Variants in MAK observed in about 807,000 individuals in gnomAD.
The protein encoded by MAK is serine/threonine-protein kinase MAK.
A neutral mutation model predicts 82.6 loss-of-function variants in MAK; 65 were observed. The observed-to-expected ratio is 0.79, with a 90% confidence interval of 0.64 to 0.97. The LOEUF (loss-of-function observed/expected upper bound fraction) is 0.97. Ranked by LOEUF, MAK falls within the 50% of genes least tolerant of loss-of-function variation. The pLI is 0.00. For missense variants in MAK, 703 were observed against 780.2 expected, an observed-to-expected ratio of 0.90 and a Z score of 1.18; for synonymous variants, 250 against 274.2, an observed-to-expected ratio of 0.91 and a Z score of 0.87.
intron 6 of MAK, 106 bp downstream of exon 6, chr6:10,808,704 T>C (rs1490244605): frequency 9.2e-7 from 1 of 1,091,184 alleles, no homozygotes; most frequent in African/African-American, 1.5e-5. Context: ...TTCAATTCTG[T>C]GTTTTAAATA....
intron 11 of MAK, among the ~76,000 whole-genome samples, chr6:10,782,577 AT>A (rs70991043): frequency 0.2 from 22,788 of 116,460 alleles, 1,499 homozygotes; most frequent in East Asian, 0.3. Context: ...TCCCAACTGG[AT>A]TTTTTTTTTT....
At chr6:10,786,293 T>C (rs1774529704) in intron 10 of MAK, among the ~76,000 whole-genome samples, 1 of 152,158 alleles carries the variant, frequency 6.6e-6, no homozygotes, top group South Asian at 2.1e-4. Context: ...ATAAAAGGTA[T>C]ACATGTTAGT....
intron 8 of MAK, among the ~76,000 whole-genome samples, chr6:10,799,474 C>T (rs1317313554): frequency 6.6e-6 from 1 of 152,010 alleles, no homozygotes; most frequent in Non-Finnish European, 1.5e-5. Flanking sequence ...AAAATATGGG[C>T]CAGGTGTGGT....
rs1772082956 is a variant in MAK, at chr6:10,762,881, C to T, written c.*1571G>A. On this transcript the variant is annotated 3_prime_UTR_variant, in exon 15 of 15. Transcript: ENST00000354489. ...GATTTTAACATTTTTCAACATCTTA[C>T]ATCTGAACAGTTGACTCTTCTATAC... 6.6e-6 allele frequency: 1 copy of T among 152,554 alleles called. No individual in the cohort carries two copies. The highest frequency in any genetic ancestry group is 1.5e-5 in the Non-Finnish European group (1 of 68,018). 9.5% of individuals were successfully genotyped at this position (152,554 alleles called of 1,614,324 possible).
intron 13 of MAK, among the ~76,000 whole-genome samples, chr6:10,772,259 G>A (rs1773079704): frequency 6.6e-6 from 1 of 151,988 alleles, no homozygotes; most frequent in Admixed American, 6.6e-5. Flanking sequence ...ATTGCAGCCA[G>A]TTGTTAGCAC....
chr6:10,776,783 C>A lies in MAK; in HGVS notation c.1466-1324G>T, dbSNP rs984164883. ...CTTCCCTAATAAAACACCTACAAAT[C>A]GAACTATTATAGGCAACTACCAGCT... On this transcript the variant is annotated intron_variant, in intron 11 of 14. Transcript: ENST00000354489. This position sits in a 1 kb window ranked among gnomAD's most constrained non-coding sequence, Gnocchi z 4.3. Among the ~76,000 whole-genome samples the A allele has an allele frequency of 1.1e-4, 17 of 152,124 alleles. No individual in the cohort carries two copies. Among genetic ancestry groups the A allele is most frequent in the African/African-American group, 3.9e-4 (16 of 41,410 alleles).
intron 5 of MAK, 101 bp from the exon 6 acceptor site, chr6:10,809,043 A>C: frequency 9.4e-7 from 1 of 1,063,028 alleles, no homozygotes; most frequent in Non-Finnish European, 1.4e-6. Context: ...CCTCTTTTAT[A>C]ATTCAAAACA....
At chr6:10,827,456 G>A (rs756897651) in intron 2 of MAK, among the ~76,000 whole-genome samples, 1 of 152,098 alleles carries the variant, frequency 6.6e-6, no homozygotes, top group Non-Finnish European at 1.5e-5. Flanking sequence ...CATTTCTTAG[G>A]TTTCTGTCTT....
chr6:10,770,214 A>AT lies in MAK; in HGVS notation c.1688dup (p.Tyr563Ter). Reference protein sequence around the residue: ...LEDPQGNLGSYATYNQSGYIP... With the variant: ...LEDPQGNLGS ...TATATCCTGACTGATTGTAAGTAGC[A>AT]TAACTTCCAAGATTTCCTAGTGACA... The change falls in exon 14 of 15, where the codon TAT (tyrosine) becomes TAAT (stop). Residue 563 changes from tyrosine (Y) to a stop codon, truncating the protein, a stop_gained and frameshift_variant. Transcript: ENST00000354489. LOFTEE classifies it high-confidence loss of function. 2 of 1,614,094 alleles carry AT rather than the reference A, an allele frequency of 1.2e-6. No individual in the cohort carries two copies. The highest frequency in any genetic ancestry group is 1.7e-6 in the Non-Finnish European group (2 of 1,179,992).
At chr6:10,807,889 G>A (rs1776616274) in intron 6 of MAK, among the ~76,000 whole-genome samples, 1 of 151,914 alleles carries the variant, frequency 6.6e-6, no homozygotes, top group East Asian at 2.0e-4. Context: ...CTAACACGGT[G>A]AAACCACGTC....
Position 10,775,419 on chromosome 6 carries a change from C to T in MAK, c.1506G>A (p.Lys502=). ...PKKVSLIASG[K]EINPHTWSNQ... The stretch of plus-strand genomic sequence containing the variant: ...TGCTCCAAGTGTGGGGGTTTATTTC[C>T]TTTCCACTGGCTATCAAGGACACCT... The change falls in exon 12 of 15, where the codon AAG becomes AAA. Residue 502 remains lysine, a synonymous_variant. Coordinates refer to ENST00000354489, the MANE Select transcript of MAK (RefSeq NM_001242957.3). 6.2e-7 allele frequency: 1 copy of T among 1,613,860 alleles called. No homozygotes were observed. Among genetic ancestry groups the T allele is most frequent in the South Asian group, 1.1e-5 (1 of 91,080 alleles).
At chr6:10,804,693 G>T (rs1413077902) in intron 6 of MAK, among the ~76,000 whole-genome samples, 1 of 152,124 alleles carries the variant, frequency 6.6e-6, no homozygotes, top group Non-Finnish European at 1.5e-5. Context: ...AGCAAAGTGA[G>T]CTGGTGAGTC....
At position 10,765,440 on chromosome 6, in the gene MAK, ATTTTTTT is replaced by A. The variant is rs200536068; in HGVS notation, c.1793-841_1793-835del. Among the ~76,000 whole-genome samples the A allele has an allele frequency of 6.4e-4, 84 of 130,610 alleles. 1 individual carries two copies. The highest frequency in any genetic ancestry group is 2.5e-3 in the African/African-American group (76 of 29,974). The allele number at this position is 130,610 out of a possible 152,430, so 85.7% of individuals were successfully genotyped here. A position where few individuals can be genotyped will look rare whatever the true frequency, so the allele number is the denominator to read the frequency against. ...TTAAAATGTGGGTTTTAGAATGAAG[ATTTTTTT>A]TTTTTTTTTTTTTTTTTTTTTTTTT... On this transcript the variant is annotated intron_variant, in intron 14 of 14. Transcript: ENST00000354489.
chr6:10,831,780 G>A (rs1478524683), intron 1 of MAK, among the ~76,000 whole-genome samples: 1 of 152,070 alleles, frequency 6.6e-6, no homozygotes, highest in East Asian at 1.9e-4. Context: ...AATAAAAAGG[G>A]AAGTAGAGCC....
Position 10,830,823 on chromosome 6 carries a change from G to T in MAK, c.-175C>A. 1.5e-6 allele frequency: 1 copy of T among 658,624 alleles called. No individual in the cohort carries two copies. Among genetic ancestry groups the T allele is most frequent in the Admixed American group, 2.1e-5 (1 of 47,166 alleles). 40.8% of individuals were successfully genotyped at this position (658,624 alleles called of 1,614,324 possible). A position where few individuals can be genotyped will look rare whatever the true frequency, so the allele number is the denominator to read the frequency against. On this transcript the variant is annotated 5_prime_UTR_variant, in exon 2 of 15. Transcript: ENST00000354489. ...CCCCCAAGATTACAGAGGTTCATGA[G>T]ATATAGCATGAAGGAATCGGGCAAG...
intron 8 of MAK, among the ~76,000 whole-genome samples, chr6:10,799,120 G>GCCA (rs1045754049): frequency 2.6e-5 from 4 of 152,038 alleles, no homozygotes; most frequent in Admixed American, 2.6e-4. Flanking sequence ...GCACTGCAGA[G>GCCA]CCACCGCACA....
chr6:10,774,762 A>C (rs1010434489), intron 12 of MAK, among the ~76,000 whole-genome samples: 13 of 152,248 alleles, frequency 8.5e-5, no homozygotes, highest in African/African-American at 3.1e-4. Flanking sequence ...CTTTCTCAAC[A>C]GTGACATCAA....
chr6:10,818,089 CATTA>C (rs1023727423), intron 3 of MAK, 118 bp from the exon 4 acceptor site: 19 of 543,480 alleles, frequency 3.5e-5, no homozygotes, highest in Non-Finnish European at 5.5e-5. Flanking sequence ...CTCCTGGGTT[CATTA>C]ATTAATTACA....
At position 10,798,905 on chromosome 6, in the gene MAK, T is replaced by C. The variant is rs926080646; in HGVS notation, c.832-2596A>G. ...AGTGCAGTGGCACGATCTTGGCTCA[T>C]TGCAACCTCCGCCTCCTGGGTTCAA... On this transcript the variant is annotated intron_variant, in intron 8 of 14. Transcript: ENST00000354489. Among the ~76,000 whole-genome samples, 10 of 151,766 alleles carry C rather than the reference T, an allele frequency of 6.6e-5. 1 individual carries two copies. Among genetic ancestry groups the C allele is most frequent in the Admixed American group, 2.6e-4 (4 of 15,206 alleles).
Sources: gnomAD v4.1 joint callset for allele counts (sites outside exome capture counted in the v4.1 genomes callset) on GRCh38, gnomAD v4.1.1 for gene constraint, Gnocchi (gnomAD v3.1) non-coding constraint, MANE v1.5 for transcripts, NCBI Gene and HGNC (gene_info 2026-07-23, HGNC 2026-07-21) for gene names.